Variants in TECR observed in about 807,000 individuals in gnomAD.
TECR encodes the protein very-long-chain enoyl-CoA reductase.
TECR carries 19 observed loss-of-function variants against 50.6 expected under a neutral mutation model. The ratio of observed to expected loss-of-function variants is 0.38; its 90% CI spans 0.26 to 0.55. The LOEUF (loss-of-function observed/expected upper bound fraction) is 0.55. Ranked by LOEUF, TECR falls within the 20% of genes least tolerant of loss-of-function variation. The pLI, the probability that TECR is intolerant of heterozygous loss-of-function variation, is 0.79. For missense variants in TECR, 313 were observed against 408.3 expected, an observed-to-expected ratio of 0.77 and a Z score of 2.01; for synonymous variants, 168 against 163.5, an observed-to-expected ratio of 1.03 and a Z score of -0.21.
At chr19:14,529,537 C>A, upstream of TECR, 1 of 1,031,508 alleles carries the variant, frequency 9.7e-7, no homozygotes, top group South Asian at 1.3e-5. Context: ...CGCCTCGTGC[C>A]CTGATTGGCC....
intron 1 of TECR, among the ~76,000 whole-genome samples, chr19:14,554,307 G>T (rs1271010999): frequency 6.6e-6 from 1 of 152,150 alleles, no homozygotes; most frequent in Non-Finnish European, 1.5e-5. Flanking sequence ...TCACCATTAG[G>T]CAGGTCACGT....
At chr19:14,535,588 ATGTATG>A (rs2072868765) in intron 1 of TECR, among the ~76,000 whole-genome samples, 21 of 40,738 alleles carry the variant, frequency 5.2e-4, no homozygotes, top group African/African-American at 9.4e-4. Flanking sequence ...ATATATATAT[ATGTATG>A]TATATATAAA....
intron 1 of TECR, among the ~76,000 whole-genome samples, chr19:14,540,178 G>C (rs1050079172): frequency 6.6e-6 from 1 of 151,798 alleles, no homozygotes; most frequent in East Asian, 1.9e-4. Context: ...TCCTGCCTCA[G>C]CCTCCCGAGT....
chr19:14,552,977 G>A (rs1158021868), intron 1 of TECR, among the ~76,000 whole-genome samples: 3 of 152,032 alleles, frequency 2.0e-5, no homozygotes, highest in Admixed American at 6.6e-5. Context: ...AGTGCTCCTC[G>A]GAGGCCCTGA....
At chr19:14,528,703 G>A (rs1274527768), upstream of TECR, among the ~76,000 whole-genome samples, 1 of 152,002 alleles carries the variant, frequency 6.6e-6, no homozygotes, top group Non-Finnish European at 1.5e-5. Context: ...ACTTTGGGAG[G>A]CTGAGGCGGG....
intron 1 of TECR, among the ~76,000 whole-genome samples, chr19:14,555,369 C>T (rs1324857446): frequency 6.6e-6 from 1 of 151,684 alleles, no homozygotes; most frequent in East Asian, 1.9e-4. Flanking sequence ...CTGCCTCAGC[C>T]TCCTGAGTAG....
chr19:14,548,759 T>C (rs746335431), intron 1 of TECR, among the ~76,000 whole-genome samples: 12 of 151,994 alleles, frequency 7.9e-5, no homozygotes, highest in Non-Finnish European at 1.8e-4. Context: ...TGTATTTTGG[T>C]AGAGACGGGT....
intron 1 of TECR, among the ~76,000 whole-genome samples, chr19:14,556,224 T>TGCCA (rs2073716259): frequency 3.3e-5 from 5 of 152,158 alleles, no homozygotes; most frequent in Admixed American, 3.3e-4. Flanking sequence ...CCTCAGGGCC[T>TGCCA]TGGCACTTAC....
At chr19:14,537,606 G>A (rs780656504) in intron 1 of TECR, among the ~76,000 whole-genome samples, 2 of 152,168 alleles carry the variant, frequency 1.3e-5, no homozygotes, top group Non-Finnish European at 2.9e-5. Flanking sequence ...GTCAAGTTCA[G>A]GCTGGGTCTT....
intron 1 of TECR, among the ~76,000 whole-genome samples, chr19:14,538,329 CA>C (rs1455961979): frequency 6.6e-6 from 1 of 152,062 alleles, no homozygotes; most frequent in Admixed American, 6.6e-5. Flanking sequence ...TCAGTTTTGT[CA>C]CCCTGTGAGG....
At chr19:14,556,604 A>G (rs1295613186) in intron 1 of TECR, among the ~76,000 whole-genome samples, 2 of 152,010 alleles carry the variant, frequency 1.3e-5, no homozygotes, top group Admixed American at 1.3e-4. Context: ...ATATCCCAGG[A>G]ACTGGAACAG....
upstream of TECR, among the ~76,000 whole-genome samples, chr19:14,528,876 G>A (rs1381024771): frequency 1.3e-5 from 2 of 152,136 alleles, no homozygotes; most frequent in South Asian, 2.1e-4. Context: ...CCCGGGAGGC[G>A]GAGGTTGCGT....
At chr19:14,558,530 A>G (rs2073810258) in intron 1 of TECR, among the ~76,000 whole-genome samples, 1 of 152,044 alleles carries the variant, frequency 6.6e-6, no homozygotes. Flanking sequence ...CCTGGTGAGA[A>G]TTCCTCTCAG....
Position 14,563,184 on chromosome 19 carries a change from C to G in TECR, c.67-22C>G. ...CTGGGCTCCCCGCAGAGCTGACGTC[C>G]CTGCGCCTGTGCTTCCCCCAGGTGG... On this transcript the variant is annotated intron_variant, in intron 2 of 12. Transcript: ENST00000215567. The surrounding 1 kb of genome is among the most constrained non-coding windows in gnomAD (Gnocchi z 5.3). 5 of 1,613,912 alleles carry G rather than the reference C, an allele frequency of 3.1e-6. No individual in the cohort carries two copies. Among genetic ancestry groups the G allele is most frequent in the Non-Finnish European group, 4.2e-6 (5 of 1,179,886 alleles).
At position 14,529,628 on chromosome 19, in the gene TECR, G is replaced by A. The variant is rs1400525234; in HGVS notation, c.-69G>A. The A allele has an allele frequency of 1.2e-6, 2 of 1,612,300 alleles. No homozygotes were observed. Among genetic ancestry groups the A allele is most frequent in the Non-Finnish European group, 1.7e-6 (2 of 1,178,730 alleles). ...ATCGCTGCGGTTGCGAGCGCTGTAG[G>A]GAGCCTGTGCTGTGCCGCGCAGTTA... On this transcript the variant is annotated 5_prime_UTR_variant, in exon 1 of 13. Transcript: ENST00000215567.
upstream of TECR, chr19:14,529,522 G>T: frequency 1.2e-6 from 1 of 839,248 alleles, no homozygotes; most frequent in Non-Finnish European, 2.0e-6. Flanking sequence ...AGGGGCGAAC[G>T]TGGGCGCCTC....
rs750628073 is a variant in TECR at position 14,564,220 on chromosome 19, G to T, written c.422G>T (p.Arg141Leu). The change falls in exon 7 of 13, where the codon CGC becomes CTC. Residue 141 changes from arginine to leucine, a missense_variant. Arg to Leu is a moderately radical substitution (Grantham distance 102, BLOSUM62 -2). Transcript: ENST00000215567. ...TGTCACTCATTCCACTACATCAAGC[G>T]CCTGCTGGAGACGCTCTTCGTGCAC... Reference protein sequence around the residue: ...CICHSFHYIKRLLETLFVHRF... With the variant: ...CICHSFHYIKLLLETLFVHRF... 1 of 1,607,910 alleles carries T rather than the reference G, an allele frequency of 6.2e-7. No individual in the cohort carries two copies. The highest frequency in any genetic ancestry group is 1.7e-5 in the Admixed American group (1 of 59,952).
chr19:14,546,240 C>G (rs8107751), intron 1 of TECR, among the ~76,000 whole-genome samples: 3 of 151,786 alleles, frequency 2.0e-5, no homozygotes, highest in Admixed American at 2.0e-4. Flanking sequence ...AGTTTTTGGG[C>G]ATCTAACTCA....
intron 1 of TECR, among the ~76,000 whole-genome samples, chr19:14,539,880 CT>C (rs35738060): frequency 0.42 from 59,602 of 141,984 alleles, 12,774 homozygotes; most frequent in South Asian, 0.52. Flanking sequence ...TGTTTTCTTT[CT>C]TTTTTTTTTT....
Sources: allele counts gnomAD v4.1 joint callset (sites outside exome capture counted in the v4.1 genomes callset), GRCh38; gene constraint gnomAD v4.1.1; non-coding constraint Gnocchi (gnomAD v3.1); transcripts MANE v1.5; gene names NCBI Gene and HGNC (gene_info 2026-07-23, HGNC 2026-07-21).